SYMPK: variants seen among roughly 807,000 people sequenced by gnomAD.
SYMPK encodes the protein symplekin scaffold protein, also known as symplekin.
In SYMPK, 49 loss-of-function variants were observed where a neutral mutation model predicts 136.4. The ratio of observed to expected loss-of-function variants is 0.36; its 90% confidence interval spans 0.29 to 0.46. The LOEUF (loss-of-function observed/expected upper bound fraction) is 0.46, where lower values mean the gene tolerates loss of function less well. SYMPK is among the 20% of genes least tolerant of loss of function. The probability of loss-of-function intolerance (pLI) is 1.00; values close to 1 mark genes in which losing one functional copy is unlikely to be tolerated. For missense variants in SYMPK, 1,365 were observed against 1,690.0 expected (o/e 0.81, Z 3.37); for synonymous variants, 766 against 713.0 (o/e 1.07, Z -1.19).
At chr19:45,858,049 T>C (rs924059114) in intron 1 of SYMPK, among the ~76,000 whole-genome samples, 1 of 152,146 alleles carries the variant, frequency 6.6e-6, no homozygotes, top group Non-Finnish European at 1.5e-5. Flanking sequence ...TCTGCCCACC[T>C]TGGCCTCCCA....
chr19:45,857,063 A>G (rs915392353), intron 1 of SYMPK, among the ~76,000 whole-genome samples: 1 of 151,890 alleles, frequency 6.6e-6, no homozygotes, highest in African/African-American at 2.4e-5. Context: ...GGCTGCAGTG[A>G]GCTGAGATCA....
At chr19:45,843,888 G>T (rs1049925718) in intron 8 of SYMPK, 142 bp downstream of exon 8, 19 of 696,086 alleles carry the variant, frequency 2.7e-5, no homozygotes, top group Non-Finnish European at 3.2e-5. Context: ...AGGTTGCAGT[G>T]AGCCAAGATT....
chr19:45,839,052 A>G (rs1971373971), intron 9 of SYMPK, among the ~76,000 whole-genome samples: 1 of 151,914 alleles, frequency 6.6e-6, no homozygotes, highest in South Asian at 2.1e-4. Flanking sequence ...AGGCCCAGCT[A>G]ATTTTTTTGT....
intron 1 of SYMPK, among the ~76,000 whole-genome samples, chr19:45,858,963 G>C (rs1050622910): frequency 4.6e-5 from 7 of 151,992 alleles, no homozygotes; most frequent in Non-Finnish European, 8.8e-5. Context: ...GGTAGAAGCA[G>C]AGTTTCGCCA....
intron 3 of SYMPK, among the ~76,000 whole-genome samples, chr19:45,853,184 C>CT (rs1971736036): frequency 6.6e-6 from 1 of 152,200 alleles, no homozygotes; most frequent in Admixed American, 6.5e-5. Flanking sequence ...CTCCACAAGG[C>CT]TACAGGCTGA....
intron 3 of SYMPK, 126 bp from the exon 4 acceptor site, chr19:45,852,661 T>A: frequency 8.8e-7 from 1 of 1,136,392 alleles, no homozygotes; most frequent in Non-Finnish European, 1.3e-6. Flanking sequence ...TTTCAATGCC[T>A]GGCTCTGCTT....
chr19:45,841,598 C>T (rs1971438273), intron 9 of SYMPK, among the ~76,000 whole-genome samples: 1 of 151,982 alleles, frequency 6.6e-6, no homozygotes, highest in Non-Finnish European at 1.5e-5. Context: ...CAGCCTAATT[C>T]CTTATTTTTT....
intron 22 of SYMPK, chr19:45,819,663 C>T (rs1970844331): frequency 6.6e-6 from 1 of 152,334 alleles, no homozygotes; most frequent in African/African-American, 2.4e-5. Flanking sequence ...AAGGACAGGG[C>T]TAGGGCTGTC....
intron 8 of SYMPK, chr19:45,842,738 G>A (rs1401008543): frequency 1.8e-5 from 9 of 489,526 alleles, no homozygotes; most frequent in Non-Finnish European, 2.5e-5. Flanking sequence ...ATACAATTTC[G>A]TCCTCCTCCA....
At chr19:45,820,167 G>A (rs576294232) in intron 22 of SYMPK, 1 of 152,360 alleles carries the variant, frequency 6.6e-6, no homozygotes, top group African/African-American at 2.4e-5. Context: ...GTCCACAAAT[G>A]GCCTTGGGGT....
At chr19:45,857,205 C>T (rs144573512) in intron 1 of SYMPK, among the ~76,000 whole-genome samples, 51 of 151,618 alleles carry the variant, frequency 3.4e-4, no homozygotes, top group African/African-American at 1.1e-3. Context: ...GTCAGGAGAT[C>T]GAGACCATCC....
rs771071230 is a variant in SYMPK at position 45,822,778 on chromosome 19, G to A, written c.2769C>T (p.Asn923=). The part of the protein sequence containing the change: ...LNPIVVKEVF[N]RLLGTQHGEG... ...TACCATGCTGGGTGCCCAGCAGGCG[G>A]TTGAAGACTTCCTTCACCACGATGG... Residue 923 remains asparagine, a synonymous_variant, in exon 21 of 27, where the codon AAC becomes AAT. Transcript: ENST00000245934. The A allele has an allele frequency of 6.2e-7, 1 of 1,614,076 alleles. No individual in the cohort carries two copies. Among genetic ancestry groups the A allele is most frequent in the East Asian group, 2.2e-5 (1 of 44,878 alleles).
intron 23 of SYMPK, 165 bp from the exon 24 acceptor site, chr19:45,817,139 T>C: frequency 1.5e-6 from 1 of 666,158 alleles, no homozygotes; most frequent in East Asian, 3.3e-5. Flanking sequence ...GCCTTTGTCT[T>C]CCCGATCCAG....
intron 9 of SYMPK, among the ~76,000 whole-genome samples, chr19:45,840,055 A>G (rs1420949494): frequency 6.6e-6 from 1 of 152,104 alleles, no homozygotes; most frequent in Non-Finnish European, 1.5e-5. Context: ...GATCCCATGT[A>G]CTGAGGCAAC....
rs201370293 is a variant in SYMPK, at chr19:45,821,371, G to C, written c.2893+13C>G. On this transcript the variant is annotated intron_variant, in intron 22 of 26. Transcript: ENST00000245934. This position sits in a 1 kb window ranked among gnomAD's most constrained non-coding sequence, Gnocchi z 4.4. ...AGGGGCCAGGCCACTGGAGTGGGGG[G>C]GAAGCGCCTCACCTTTGATGATGGA... The C allele has an allele frequency of 1.2e-6, 2 of 1,608,774 alleles. No individual in the cohort carries two copies. Among genetic ancestry groups the C allele is most frequent in the East Asian group, 2.2e-5 (1 of 44,842 alleles).
intron 22 of SYMPK, among the ~76,000 whole-genome samples, chr19:45,818,558 C>CA (rs1349278682): frequency 6.6e-6 from 1 of 152,210 alleles, no homozygotes; most frequent in East Asian, 1.9e-4. Flanking sequence ...ACCAGCTTGT[C>CA]AGAGGGCCAA....
In SYMPK at chr19:45,821,338, G is replaced by C; in HGVS notation, c.2893+46C>G. 2 of 1,440,912 alleles carry C rather than the reference G, an allele frequency of 1.4e-6. No individual in the cohort carries two copies. Among genetic ancestry groups the C allele is most frequent in the South Asian group, 2.3e-5 (2 of 87,500 alleles). The allele number at this position is 1,440,912 out of a possible 1,614,324, so 89.3% of individuals were successfully genotyped here. ...ATGTGGGTGACTGAGGTCCTGCCCT[G>C]GCGTCGCAGGGGCCAGGCCACTGGA... On this transcript the variant is annotated intron_variant, in intron 22 of 26. Coordinates refer to ENST00000245934, the MANE Select transcript of SYMPK (RefSeq NM_004819.3). This position sits in a 1 kb window ranked among gnomAD's most constrained non-coding sequence, Gnocchi z 4.4.
At chr19:45,827,798 C>A (rs767092957) in intron 15 of SYMPK, 39 bp downstream of exon 15, 2 of 1,591,602 alleles carry the variant, frequency 1.3e-6, no homozygotes, top group Admixed American at 1.7e-5. Flanking sequence ...AGGGCCCTGT[C>A]CCCTGCCCCG....
chr19:45,815,800 C>T (rs768950850), intron 26 of SYMPK, 51 bp downstream of exon 26: 5 of 1,595,624 alleles, frequency 3.1e-6, no homozygotes, highest in Non-Finnish European at 2.6e-6. Context: ...CCCACCTTCA[C>T]CCCGGCCCAG....
Sources: gnomAD v4.1 joint callset for allele counts (sites outside exome capture counted in the v4.1 genomes callset) on GRCh38, gnomAD v4.1.1 for gene constraint, Gnocchi (gnomAD v3.1) non-coding constraint, MANE v1.5 for transcripts, NCBI Gene and HGNC (gene_info 2026-07-23, HGNC 2026-07-21) for gene names.